The following VSIG10L variants were observed in gnomAD, a reference collection of about 807,000 sequenced individuals.
The protein encoded by VSIG10L is V-set and immunoglobulin domain-containing protein 10-like.
VSIG10L carries 63 observed loss-of-function variants against 67.3 expected under a neutral mutation model. That is an observed-to-expected ratio of 0.94 (90% CI 0.76 to 1.15). VSIG10L has a LOEUF of 1.15. VSIG10L is among the 50% of genes most tolerant of loss of function. The pLI is 0.00. For missense variants in VSIG10L, 1,050 were observed against 1,177.5 expected, an observed-to-expected ratio of 0.89 and a Z score of 1.58; for synonymous variants, 499 against 524.9, an observed-to-expected ratio of 0.95 and a Z score of 0.67.
chr19:51,340,685 T>A lies in VSIG10L; in HGVS notation c.937A>T (p.Thr313Ser), dbSNP rs1483973101. ...QLSVQPKAPE[T>S]EEGAAELRLR... ...CGGAGCTCGGCCGCCCCCTCCTCTG[T>A]CTCTGGAGCCTTGGGCTGAACCGAC... Residue 313 changes from threonine (T) to serine (S), a missense_variant, in exon 3 of 10, where the codon ACA (threonine) becomes TCA (serine). Physicochemically the swap from Thr to Ser is moderately conservative, Grantham distance 58 (BLOSUM62 1). Coordinates refer to ENST00000335624, the MANE Select transcript of VSIG10L (RefSeq NM_001163922.3). The surrounding 1 kb of genome is among the most constrained non-coding windows in gnomAD (Gnocchi z 6.3). 8.5e-6 allele frequency: 13 copies of A among 1,524,426 alleles called. No homozygotes were observed. The East Asian group carries it at 3.2e-4, about 37-fold the overall frequency. The allele number at this position is 1,524,426 out of a possible 1,614,324, so 94.4% of individuals were successfully genotyped here.
rs1157383790 is a variant in VSIG10L at position 51,341,458 on chromosome 19, C to A, written c.590G>T (p.Gly197Val). ...SAASFPQQVG[G>V]PLAVLVGTTI... The stretch of plus-strand genomic sequence containing the variant: ...GGTCCCCACCAGCACAGCGAGTGGG[C>A]CCCCCACCTGCTGGGGAAAGCTTGC... The change falls in exon 2 of 10, where the codon GGC becomes GTC. Residue 197 changes from glycine (G) to valine (V), a missense_variant. By Grantham distance (109) the Gly-to-Val change is moderately radical. Coordinates refer to ENST00000335624, the MANE Select transcript of VSIG10L (RefSeq NM_001163922.3). 2 of 1,542,452 alleles carry A rather than the reference C, an allele frequency of 1.3e-6. No homozygotes were observed. Among genetic ancestry groups the A allele is most frequent in the South Asian group, 2.4e-5 (2 of 82,742 alleles).
At position 51,341,679 on chromosome 19, in the gene VSIG10L, C is replaced by T. The variant is rs1265047745; in HGVS notation, c.369G>A (p.Ser123=). Residue 123 remains serine, a synonymous_variant, in exon 2 of 10, where the codon TCG becomes TCA. Coordinates refer to ENST00000335624, the MANE Select transcript of VSIG10L (RefSeq NM_001163922.3). ...GGTCTTTGGCAGGAACTTGAGGATC[C>T]GAAATATCAGGAAATACTTCAGAAC... ...TPGSEVFPDI[S]DPQVPAKDPK... is the part of the protein sequence containing the mutation. The T allele has an allele frequency of 8.4e-6, 13 of 1,551,442 alleles. No homozygotes were observed. The highest frequency in any genetic ancestry group is 7.1e-5 in the South Asian group (6 of 84,068).
In VSIG10L at chr19:51,337,238, C is replaced by T. The variant is rs377207472; in HGVS notation, c.2305G>A (p.Gly769Ser). ...TPSQSRVYRAGPTLSHGAIAG... is the reference protein window; with the variant it reads ...TPSQSRVYRASPTLSHGAIAG... ...GTCTACTCTGACAGCCCCAACTCAC[C>T]GGCCCGGTAGACCCGGCTTTGTGAT... Residue 769 changes from glycine to serine, a missense_variant and splice_region_variant, in exon 7 of 10, where the codon GGC becomes AGC. Physicochemically the swap from Gly to Ser is moderately conservative, Grantham distance 56. Around this residue, in one of 3 missense-constraint regions of VSIG10L, gnomAD observed 529 missense variants for 584.9 expected, o/e 0.90. Transcript: ENST00000335624. 21 of 1,543,736 alleles carry T rather than the reference C, an allele frequency of 1.4e-5. No homozygotes were observed. Among genetic ancestry groups the T allele is most frequent in the South Asian group, 2.4e-5 (2 of 83,526 alleles).
Position 51,340,962 on chromosome 19 carries a change from C to G in VSIG10L, c.895+191G>C. The G allele has an allele frequency of 1.0e-6, 1 of 980,310 alleles. No individual in the cohort carries two copies. The highest frequency in any genetic ancestry group is 1.4e-6 in the Non-Finnish European group (1 of 711,558). The allele number at this position is 980,310 out of a possible 1,614,324, so 60.7% of individuals were successfully genotyped here. A position where few individuals can be genotyped will look rare whatever the true frequency, so the allele number is the denominator to read the frequency against. ...CCCTCAGACCTGGGAGTTCAGGCTC[C>G]CAGGAGTCTCCATCCCAGGTCCACC... On this transcript the variant is annotated intron_variant, in intron 2 of 9. Transcript: ENST00000335624. The surrounding 1 kb of genome is among the most constrained non-coding windows in gnomAD (Gnocchi z 6.3).
Position 51,332,488 on chromosome 19 carries a change from A to G in VSIG10L, c.*123T>C, listed in dbSNP as rs1335833631. 2 of 1,154,194 alleles carry G rather than the reference A, an allele frequency of 1.7e-6. No individual in the cohort carries two copies. Among genetic ancestry groups the G allele is most frequent in the Non-Finnish European group, 2.5e-6 (2 of 785,644 alleles). The allele number at this position is 1,154,194 out of a possible 1,614,324, so 71.5% of individuals were successfully genotyped here. On this transcript the variant is annotated 3_prime_UTR_variant, in exon 10 of 10. Coordinates refer to ENST00000335624, the MANE Select transcript of VSIG10L (RefSeq NM_001163922.3). ...CACTTTCAGGGTCCAACCCTCAGTC[A>G]TAGCAGGCCCTGGCTGCTGCTGGAG...
chr19:51,338,958 C>G lies in VSIG10L; in HGVS notation c.1659G>C (p.Arg553=). The change falls in exon 5 of 10, where the codon CGG becomes CGC. Residue 553 remains arginine (R), a synonymous_variant. Coordinates refer to ENST00000335624, the MANE Select transcript of VSIG10L (RefSeq NM_001163922.3). ...GGCAGGTGATGGGGACGCCGCTGAG[C>G]CGGGGGTGGGCGGGGACGGCCGCCA... ...VLLAAVPAHP[R]LSGVPITCLA... 1 of 1,427,084 alleles carries G rather than the reference C, an allele frequency of 7.0e-7. No individual in the cohort carries two copies. Among genetic ancestry groups the G allele is most frequent in the Non-Finnish European group, 9.2e-7 (1 of 1,083,170 alleles). 88.4% of individuals were successfully genotyped at this position (1,427,084 alleles called of 1,614,324 possible). A position where few individuals can be genotyped will look rare whatever the true frequency, so the allele number is the denominator to read the frequency against.
At position 51,333,978 on chromosome 19, in the gene VSIG10L, G is replaced by A. The variant is rs202141161; in HGVS notation, c.2420-33C>T. Reference sequence around the variant, plus strand: ...AGAGGCAGAAGAGAAGCAGGAACACGTGATTGGCTGCCCCAACATGCCAAC... The same window carrying A: ...AGAGGCAGAAGAGAAGCAGGAACACATGATTGGCTGCCCCAACATGCCAAC... On this transcript the variant is annotated intron_variant, in intron 8 of 9. Transcript: ENST00000335624. 796 of 1,550,418 alleles carry A rather than the reference G, an allele frequency of 5.1e-4. 1 individual carries two copies. The highest frequency in any genetic ancestry group is 6.3e-4 in the Non-Finnish European group (728 of 1,146,688).
intron 7 of VSIG10L, among the ~76,000 whole-genome samples, chr19:51,336,081 C>T (rs1467743899): frequency 6.6e-6 from 1 of 152,152 alleles, no homozygotes; most frequent in Non-Finnish European, 1.5e-5. Context: ...TCCTGAGATG[C>T]TCCAATGGAG....
In VSIG10L at chr19:51,339,778, T is replaced by G. The variant is rs543853232; in HGVS notation, c.1474+237A>C. Reference sequence around the variant, plus strand: ...ATCCCTGCCACTCTATTTGGCTCCTTCCCTTATCCTCTTTCTGGCCCCGCC... The same window carrying G: ...ATCCCTGCCACTCTATTTGGCTCCTGCCCTTATCCTCTTTCTGGCCCCGCC... On this transcript the variant is annotated intron_variant, in intron 4 of 9. Transcript: ENST00000335624. The G allele has an allele frequency of 3.5e-5, 15 of 422,662 alleles. No homozygotes were observed. The East Asian group carries it at 6.5e-4, about 18-fold the overall frequency. The allele number at this position is 422,662 out of a possible 1,614,324, so 26.2% of individuals were successfully genotyped here.
At chr19:51,334,328 G>C (rs771458716) in intron 7 of VSIG10L, 24 bp from the exon 8 acceptor site, 3 of 1,547,104 alleles carry the variant, frequency 1.9e-6, no homozygotes, top group Non-Finnish European at 2.6e-6. Context: ...AGAGAAGAAA[G>C]AGAAGGGGAA....
In VSIG10L at chr19:51,332,380, C is replaced by T. The variant is rs1019370299; in HGVS notation, c.*231G>A. The stretch of plus-strand genomic sequence containing the variant: ...CACACAGTTAGATCAGCAAGAGTTT[C>T]CCAGCCAAGAAGTCACATCTCCTTA... On this transcript the variant is annotated 3_prime_UTR_variant, in exon 10 of 10. Coordinates refer to ENST00000335624, the MANE Select transcript of VSIG10L (RefSeq NM_001163922.3). 14 of 615,220 alleles carry T rather than the reference C, an allele frequency of 2.3e-5. No individual in the cohort carries two copies. The African/African-American group carries it at 2.6e-4, about 11-fold the overall frequency. 38.1% of individuals were successfully genotyped at this position (615,220 alleles called of 1,614,324 possible).
At position 51,340,105 on chromosome 19, in the gene VSIG10L, C is replaced by A. The variant is rs1213045258; in HGVS notation, c.1384G>T (p.Gly462Ter). The change falls in exon 4 of 10, where the codon GGA (glycine) becomes TGA (stop). Residue 462 changes from glycine (G) to a stop codon, truncating the protein, a stop_gained. Transcript: ENST00000335624. LOFTEE classifies it high-confidence loss of function. This position sits in a 1 kb window ranked among gnomAD's most constrained non-coding sequence, Gnocchi z 6.3. Reference protein sequence around the residue: ...AGSRLLLPAVGPGHAGTYACL... With the variant: ...AGSRLLLPAV The stretch of plus-strand genomic sequence containing the variant: ...GCGTAGGTGCCTGCGTGGCCCGGTC[C>A]GACCGCGGGCAGCAGGAGGCGCGAC... 6 of 1,324,066 alleles carry A rather than the reference C, an allele frequency of 4.5e-6. No homozygotes were observed. In the East Asian group the frequency reaches 1.9e-4, roughly 41 times the overall value. The allele number at this position is 1,324,066 out of a possible 1,614,324, so 82.0% of individuals were successfully genotyped here. A position where few individuals can be genotyped will look rare whatever the true frequency, so the allele number is the denominator to read the frequency against.
chr19:51,334,130 C>A, intron 8 of VSIG10L, 61 bp downstream of exon 8: 1 of 1,527,418 alleles, frequency 6.5e-7, no homozygotes, highest in Non-Finnish European at 8.9e-7. Flanking sequence ...CTTCCATAGG[C>A]CTCTTTCTAG....
In VSIG10L at chr19:51,341,435, T is replaced by C; in HGVS notation, c.613A>G (p.Thr205Ala). The C allele has an allele frequency of 6.5e-7, 1 of 1,535,412 alleles. No homozygotes were observed. The highest frequency in any genetic ancestry group is 1.2e-5 in the South Asian group (1 of 81,898). The change falls in exon 2 of 10, where the codon ACC becomes GCC. Residue 205 changes from threonine to alanine, a missense_variant. By Grantham distance (58) the Thr-to-Ala change is moderately conservative (BLOSUM62 0). Around this residue, in one of 3 missense-constraint regions of VSIG10L, gnomAD observed 511 missense variants for 557.9 expected, o/e 0.92. Transcript: ENST00000335624. The stretch of plus-strand genomic sequence containing the variant: ...GGGACTAGGGGGAGCCGGATGGTGG[T>C]CCCCACCAGCACAGCGAGTGGGCCC... ...VGGPLAVLVG[T>A]TIRLPLVPIP...
rs1985432323 is a variant in VSIG10L, at chr19:51,334,315, CAAAG to C, written c.2306-15_2306-12del. On this transcript the variant is annotated splice_polypyrimidine_tract_variant and intron_variant, in intron 7 of 9. Coordinates refer to ENST00000335624, the MANE Select transcript of VSIG10L (RefSeq NM_001163922.3). ...GGCTCAACGTGGGGCCTGGAAGAGA[CAAAG>C]AGAAGAAAGAGAAGGGGAACAGGAA... The C allele has an allele frequency of 6.5e-7, 1 of 1,549,252 alleles. No individual in the cohort carries two copies. The highest frequency in any genetic ancestry group is 8.7e-7 in the Non-Finnish European group (1 of 1,145,786).
rs1404532351 is a variant in VSIG10L at position 51,340,642 on chromosome 19, C to G, written c.980G>C (p.Trp327Ser). ...AAELRLRCLG[W>S]GPGRGELSWS... Reference sequence around the variant, plus strand: ...GCTCAGCTCCCCGCGACCTGGCCCCCACCCCAGGCAGCGCAGCCGGAGCTC... The same window carrying G: ...GCTCAGCTCCCCGCGACCTGGCCCCGACCCCAGGCAGCGCAGCCGGAGCTC... Residue 327 changes from tryptophan to serine, a missense_variant, in exon 3 of 10, where the codon TGG becomes TCG. Coordinates refer to ENST00000335624, the MANE Select transcript of VSIG10L (RefSeq NM_001163922.3). The surrounding 1 kb of genome is among the most constrained non-coding windows in gnomAD (Gnocchi z 6.3). 3.9e-6 allele frequency: 6 copies of G among 1,533,414 alleles called. No homozygotes were observed. The Admixed American group carries it at 5.9e-5, about 15-fold the overall frequency. 95.0% of individuals were successfully genotyped at this position (1,533,414 alleles called of 1,614,324 possible).
At chr19:51,334,058 T>G (rs894710838) in intron 8 of VSIG10L, 113 bp from the exon 9 acceptor site, 3 of 1,496,168 alleles carry the variant, frequency 2.0e-6, no homozygotes, top group Non-Finnish European at 2.7e-6. Context: ...GCTGATTGGC[T>G]GATTTGGAGG....
Position 51,340,800 on chromosome 19 carries a change from A to G in VSIG10L, c.896-74T>C. On this transcript the variant is annotated intron_variant, in intron 2 of 9. Coordinates refer to ENST00000335624, the MANE Select transcript of VSIG10L (RefSeq NM_001163922.3). This position sits in a 1 kb window ranked among gnomAD's most constrained non-coding sequence, Gnocchi z 6.3. ...CTTTGGTCCCCTTAGAGGGAACCCC[A>G]GCCGCTGCTCCCTCTAAGCCCCTGG... is the stretch of plus-strand genomic sequence containing the variant. 7.1e-7 allele frequency: 1 copy of G among 1,402,814 alleles called. No homozygotes were observed. Among genetic ancestry groups the G allele is most frequent in the Non-Finnish European group, 9.3e-7 (1 of 1,075,592 alleles). 86.9% of individuals were successfully genotyped at this position (1,402,814 alleles called of 1,614,324 possible).
rs752555368 is a variant in VSIG10L, at chr19:51,339,070, G to A, written c.1547C>T (p.Ser516Leu). ...GGCAGCAGGGGCCCCGCCGGGCCAC[G>A]AGCAGCGGAAGCGGAGGCTGCGGTC... is the stretch of plus-strand genomic sequence containing the variant. ...PGDRSLRFRC[S>L]WPGGAPAASL... The change falls in exon 5 of 10, where the codon TCG becomes TTG. Residue 516 changes from serine to leucine, a missense_variant. Physicochemically the swap from Ser to Leu is moderately radical, Grantham distance 145. Around this residue, in one of 3 missense-constraint regions of VSIG10L, gnomAD observed 529 missense variants for 584.9 expected, o/e 0.90. Transcript: ENST00000335624. 9.0e-6 allele frequency: 12 copies of A among 1,336,254 alleles called. No individual in the cohort carries two copies. Among genetic ancestry groups the A allele is most frequent in the Non-Finnish European group, 1.2e-5 (12 of 1,035,548 alleles). 82.8% of individuals were successfully genotyped at this position (1,336,254 alleles called of 1,614,324 possible). A position where few individuals can be genotyped will look rare whatever the true frequency, so the allele number is the denominator to read the frequency against.
Sources: allele counts gnomAD v4.1 joint callset (sites outside exome capture counted in the v4.1 genomes callset), GRCh38; gene constraint gnomAD v4.1.1; regional missense constraint gnomAD v4.1.1; non-coding constraint Gnocchi (gnomAD v3.1); transcripts MANE v1.5; gene names NCBI Gene and HGNC (gene_info 2026-07-23, HGNC 2026-07-21).